TBC1D5: variants seen among roughly 807,000 people sequenced by gnomAD.
The protein encoded by TBC1D5 is TBC1 domain family, member 5.
TBC1D5 carries 75 observed loss-of-function variants against 100.3 expected under a neutral mutation model. The observed-to-expected ratio is 0.75, with a 90% CI of 0.62 to 0.91. The LOEUF (loss-of-function observed/expected upper bound fraction) is 0.91, where lower values mean the gene tolerates loss of function less well. TBC1D5 is among the 40% of genes least tolerant of loss of function. The probability of loss-of-function intolerance (pLI) is 0.00; values close to 1 mark genes in which losing one functional copy is unlikely to be tolerated. For missense variants in TBC1D5, 910 were observed against 942.4 expected (o/e 0.97, Z 0.45); for synonymous variants, 323 against 325.6 (o/e 0.99, Z 0.09).
intron 18 of TBC1D5, among the ~76,000 whole-genome samples, chr3:17,196,724 G>T (rs927399407): frequency 6.6e-6 from 1 of 152,134 alleles, no homozygotes; most frequent in Non-Finnish European, 1.5e-5. Context: ...ATTAACATGG[G>T]TTTGTTACTT....
At chr3:17,492,344 G>C (rs2095649748) in intron 3 of TBC1D5, among the ~76,000 whole-genome samples, 1 of 151,966 alleles carries the variant, frequency 6.6e-6, no homozygotes, top group African/African-American at 2.4e-5. Context: ...GGGTTTGTCT[G>C]CTATTGGTTC....
intron 3 of TBC1D5, among the ~76,000 whole-genome samples, chr3:17,436,201 T>C (rs571173549): frequency 6.6e-6 from 1 of 152,340 alleles, no homozygotes; most frequent in Non-Finnish European, 1.5e-5. Flanking sequence ...CATTTGTTTG[T>C]TATCTCACTT....
chr3:17,697,931 G>A (rs1448423657), intron 1 of TBC1D5, among the ~76,000 whole-genome samples: 3 of 147,954 alleles, frequency 2.0e-5, no homozygotes, highest in African/African-American at 7.6e-5. Context: ...GAAAAGAACA[G>A]AGGCCTCAGA....
At chr3:17,571,026 G>A (rs1315475498) in intron 2 of TBC1D5, among the ~76,000 whole-genome samples, 1 of 151,672 alleles carries the variant, frequency 6.6e-6, no homozygotes, top group Non-Finnish European at 1.5e-5. Context: ...TTCAGGAGAG[G>A]GCAACATGCT....
rs930556974 is a variant in TBC1D5, at chr3:17,185,789, A to G, written c.1753-581T>C. ...ATGTGAGATTTCCTAAAGCGCTTGG[A>G]AAAGTTTTGCCTCAGCAGCCCATAA... On this transcript the variant is annotated intron_variant, in intron 18 of 21. Coordinates refer to ENST00000253692, the Ensembl canonical transcript of TBC1D5. Among the ~76,000 whole-genome samples the G allele has an allele frequency of 2.6e-5, 4 of 152,138 alleles. No individual in the cohort carries two copies. The East Asian group carries it at 7.7e-4, about 29-fold the overall frequency.
intron 3 of TBC1D5, among the ~76,000 whole-genome samples, chr3:17,453,028 C>A: frequency 7.0e-6 from 1 of 142,296 alleles, no homozygotes; most frequent in Admixed American, 7.1e-5. Flanking sequence ...TATGCAAACA[C>A]ATGGAAATTA....
chr3:17,609,512 G>C (rs541768574), intron 2 of TBC1D5, among the ~76,000 whole-genome samples: 1 of 152,028 alleles, frequency 6.6e-6, no homozygotes, highest in Admixed American at 6.6e-5. Context: ...GTCAGCTTCT[G>C]ACTCTTTTTC....
chr3:17,514,478 C>T (rs999202778), intron 2 of TBC1D5, among the ~76,000 whole-genome samples: 2 of 152,046 alleles, frequency 1.3e-5, no homozygotes, highest in Admixed American at 1.3e-4. Context: ...CATATAAGAA[C>T]AATGATCAAA....
intron 3 of TBC1D5, among the ~76,000 whole-genome samples, chr3:17,454,842 A>T (rs2095020601): frequency 6.6e-6 from 1 of 152,162 alleles, no homozygotes; most frequent in Non-Finnish European, 1.5e-5. Flanking sequence ...CAATAGCCAC[A>T]AATAAAATTA....
intron 15 of TBC1D5, among the ~76,000 whole-genome samples, chr3:17,258,795 CAT>C (rs1032482111): frequency 2.0e-5 from 3 of 152,030 alleles, no homozygotes; most frequent in Non-Finnish European, 4.4e-5. Context: ...TTTCCTCTCT[CAT>C]AGTTAATATT....
At chr3:17,537,592 C>T (rs879744618) in intron 2 of TBC1D5, among the ~76,000 whole-genome samples, 1 of 152,176 alleles carries the variant, frequency 6.6e-6, no homozygotes, top group Admixed American at 6.5e-5. Flanking sequence ...TCCTGGCAAT[C>T]ACCATTCTAC....
chr3:17,736,539 T>G (rs1270612591), intron 1 of TBC1D5, among the ~76,000 whole-genome samples: 1 of 152,152 alleles, frequency 6.6e-6, no homozygotes. Flanking sequence ...TGGCACTACC[T>G]TTCCATCTCC....
intron 3 of TBC1D5, among the ~76,000 whole-genome samples, chr3:17,479,959 C>T (rs988888328): frequency 6.6e-6 from 1 of 152,202 alleles, no homozygotes; most frequent in African/African-American, 2.4e-5. Flanking sequence ...CAAGGAATCC[C>T]TGTGCTCTTG....
intron 15 of TBC1D5, among the ~76,000 whole-genome samples, chr3:17,289,354 TGG>T (rs1283410733): frequency 6.6e-6 from 1 of 150,642 alleles, no homozygotes; most frequent in African/African-American, 2.4e-5. Flanking sequence ...AGGCCCTGGG[TGG>T]GAATGTTGCC....
At chr3:17,410,884 T>TA (rs778428782) in intron 4 of TBC1D5, among the ~76,000 whole-genome samples, 6 of 152,164 alleles carry the variant, frequency 3.9e-5, no homozygotes, top group Admixed American at 6.6e-5. Context: ...GTTAAAATGA[T>TA]ATCAAAGAAT....
chr3:17,480,121 T>C (rs1035524976), intron 3 of TBC1D5, among the ~76,000 whole-genome samples: 2 of 152,216 alleles, frequency 1.3e-5, no homozygotes, highest in African/African-American at 4.8e-5. Context: ...TGCACACACA[T>C]AGGGCGGCAC....
chr3:17,617,363 G>A (rs1251739970), intron 2 of TBC1D5, among the ~76,000 whole-genome samples: 1 of 152,070 alleles, frequency 6.6e-6, no homozygotes, highest in Non-Finnish European at 1.5e-5. Context: ...TATATGTCTT[G>A]GGGTTGCTCT....
intron 2 of TBC1D5, among the ~76,000 whole-genome samples, chr3:17,518,468 T>G (rs534544961): frequency 9.8e-5 from 15 of 152,358 alleles, no homozygotes; most frequent in African/African-American, 2.9e-4. Context: ...ATAATCCAGC[T>G]GGAGATGGCC....
chr3:17,175,666 A>G (rs1019308670), intron 19 of TBC1D5, among the ~76,000 whole-genome samples: 6 of 152,212 alleles, frequency 3.9e-5, no homozygotes, highest in African/African-American at 1.4e-4. Context: ...CTTGGGAGCT[A>G]AGAGATAGGA....
Sources: allele counts gnomAD v4.1 joint callset (sites outside exome capture counted in the v4.1 genomes callset), GRCh38; gene constraint gnomAD v4.1.1; transcripts MANE v1.5; gene names NCBI Gene and HGNC (gene_info 2026-07-23, HGNC 2026-07-21).